GRIN2B: variants seen among roughly 807,000 people sequenced by gnomAD.
GRIN2B encodes the protein glutamate receptor ionotropic, NMDA 2B.
GRIN2B carries 5 observed loss-of-function variants against 114.5 expected under a neutral mutation model. The ratio of observed to expected loss-of-function variants is 0.04; its 90% CI spans 0.02 to 0.09. The LOEUF (loss-of-function observed/expected upper bound fraction) is 0.09. GRIN2B is among the 10% of genes least tolerant of loss of function. The pLI is 1.00. For synonymous variants in GRIN2B, 787 were observed against 745.1 expected, an observed-to-expected ratio of 1.06 and a Z score of -0.92; for missense variants, 1,108 against 1,943.5, an observed-to-expected ratio of 0.57 and a Z score of 8.08.
intron 3 of GRIN2B, among the ~76,000 whole-genome samples, chr12:13,776,321 G>A (rs1304927305): frequency 6.6e-6 from 1 of 152,124 alleles, no homozygotes; most frequent in African/African-American, 2.4e-5. Context: ...AATGGATGCT[G>A]GGCTTAATCC....
At chr12:13,841,591 A>G (rs1290237090) in intron 3 of GRIN2B, among the ~76,000 whole-genome samples, 1 of 152,140 alleles carries the variant, frequency 6.6e-6, no homozygotes, top group African/African-American at 2.4e-5. Flanking sequence ...GCTCTAGCCT[A>G]ACAGTTCAGG....
chr12:13,808,063 T>A (rs1424681610), intron 3 of GRIN2B, among the ~76,000 whole-genome samples: 1 of 152,166 alleles, frequency 6.6e-6, no homozygotes, highest in African/African-American at 2.4e-5. Flanking sequence ...TAAGGCCATA[T>A]ACTCTGGCAG....
At chr12:13,916,363 TAA>T (rs1866720510) in intron 2 of GRIN2B, among the ~76,000 whole-genome samples, 1 of 152,188 alleles carries the variant, frequency 6.6e-6, no homozygotes, top group African/African-American at 2.4e-5. Context: ...AGATTGGCCC[TAA>T]GAGAGAACAG....
chr12:13,730,580 C>G (rs1453026228), intron 4 of GRIN2B, among the ~76,000 whole-genome samples: 1 of 152,100 alleles, frequency 6.6e-6, no homozygotes, highest in African/African-American at 2.4e-5. Flanking sequence ...TTGAGAGACC[C>G]CTGGCATCTA....
At chr12:13,756,510 C>T (rs1327049653) in intron 3 of GRIN2B, among the ~76,000 whole-genome samples, 2 of 152,156 alleles carry the variant, frequency 1.3e-5, no homozygotes, top group East Asian at 1.9e-4. Context: ...TTTGTTTTTC[C>T]TGTCATGCTT....
At chr12:13,604,034 C>G (rs756866698) in intron 10 of GRIN2B, among the ~76,000 whole-genome samples, 3 of 152,152 alleles carry the variant, frequency 2.0e-5, no homozygotes, top group Admixed American at 1.3e-4. Context: ...TGGCCAAGCT[C>G]TTTTTCCTTC....
Position 13,753,652 on chromosome 12 carries a change from G to A in GRIN2B, c.675C>T (p.Ser225=), listed in dbSNP as rs1173160096. 2 of 1,614,040 alleles carry A rather than the reference G, an allele frequency of 1.2e-6. No homozygotes were observed. Among genetic ancestry groups the A allele is most frequent in the Admixed American group, 1.7e-5 (1 of 59,996 alleles). ...KIQNQLKKLQ[S]PIILLYCTKE... Reference sequence around the variant, plus strand: ...TGGTACAGTAAAGAAGAATGATGGGGCTTTGAAGTTTCTTGAGCTGATTCT... The same window carrying A: ...TGGTACAGTAAAGAAGAATGATGGGACTTTGAAGTTTCTTGAGCTGATTCT... The change falls in exon 4 of 14, where the codon AGC becomes AGT. Residue 225 remains serine, a synonymous_variant. Coordinates refer to ENST00000609686, the MANE Select transcript of GRIN2B (RefSeq NM_000834.5). The surrounding 1 kb of genome is among the most constrained non-coding windows in gnomAD (Gnocchi z 6.2).
At chr12:13,790,795 A>G (rs1242245323) in intron 3 of GRIN2B, among the ~76,000 whole-genome samples, 1 of 152,230 alleles carries the variant, frequency 6.6e-6, no homozygotes, top group East Asian at 1.9e-4. Flanking sequence ...AATTAGGACC[A>G]TTATGAGGAC....
chr12:13,649,232 C>T (rs1244804807), intron 5 of GRIN2B, among the ~76,000 whole-genome samples: 1 of 152,024 alleles, frequency 6.6e-6, no homozygotes, highest in African/African-American at 2.4e-5. Flanking sequence ...AAGGAAGGAA[C>T]AAAGGCAGGC....
At chr12:13,628,006 T>C (rs1949585469) in intron 5 of GRIN2B, among the ~76,000 whole-genome samples, 1 of 152,238 alleles carries the variant, frequency 6.6e-6, no homozygotes, top group East Asian at 1.9e-4. Flanking sequence ...AGAAACAGGA[T>C]TTGAACACAG....
intron 5 of GRIN2B, among the ~76,000 whole-genome samples, chr12:13,626,409 T>G (rs910206821): frequency 3.9e-5 from 6 of 152,206 alleles, no homozygotes; most frequent in Non-Finnish European, 5.9e-5. Flanking sequence ...CTGCAATCAC[T>G]GATACTGCTT....
rs1210866444 is a variant in GRIN2B at position 13,546,173 on chromosome 12, T to C, written c.*16610A>G. 1.3e-5 allele frequency: 2 copies of C among 152,214 alleles called. No homozygotes were observed. Among genetic ancestry groups the C allele is most frequent in the African/African-American group, 4.8e-5 (2 of 41,446 alleles). 9.4% of individuals were successfully genotyped at this position (152,214 alleles called of 1,614,324 possible). A position where few individuals can be genotyped will look rare whatever the true frequency, so the allele number is the denominator to read the frequency against. Reference sequence around the variant, plus strand: ...TTCCCCTGATATATTCAGTTCTCAGTGCCCCTTGGCTTCCCAATTTAAGTC... The same window carrying C: ...TTCCCCTGATATATTCAGTTCTCAGCGCCCCTTGGCTTCCCAATTTAAGTC... On this transcript the variant is annotated 3_prime_UTR_variant, in exon 14 of 14. Transcript: ENST00000609686.
At chr12:13,913,965 A>G (rs1484378310) in intron 2 of GRIN2B, among the ~76,000 whole-genome samples, 1 of 152,224 alleles carries the variant, frequency 6.6e-6, no homozygotes, top group East Asian at 1.9e-4. Context: ...GGCACGTACA[A>G]CAGCACCTGC....
At chr12:13,891,309 A>AT (rs1866258839) in intron 2 of GRIN2B, among the ~76,000 whole-genome samples, 1 of 152,076 alleles carries the variant, frequency 6.6e-6, no homozygotes, top group African/African-American at 2.4e-5. Flanking sequence ...TCTTCCTTGC[A>AT]TCCCCCTGCA....
At chr12:13,894,038 C>G (rs1293781782) in intron 2 of GRIN2B, among the ~76,000 whole-genome samples, 1 of 151,944 alleles carries the variant, frequency 6.6e-6, no homozygotes, top group Admixed American at 6.6e-5. Flanking sequence ...TTTTACCTAC[C>G]AAATCATAAA....
intron 4 of GRIN2B, among the ~76,000 whole-genome samples, chr12:13,680,443 TG>T (rs1950119243): frequency 1.3e-5 from 1 of 75,746 alleles, no homozygotes; most frequent in African/African-American, 4.0e-5. Flanking sequence ...AGGTTGTGTG[TG>T]TGTGTGTGTG....
chr12:13,785,073 A>G (rs926711491), intron 3 of GRIN2B, among the ~76,000 whole-genome samples: 22 of 152,308 alleles, frequency 1.4e-4, no homozygotes, highest in African/African-American at 5.0e-4. Context: ...AATGTTTATG[A>G]TCTGTTTTAG....
At chr12:13,902,431 TAC>T (rs1235640072) in intron 2 of GRIN2B, among the ~76,000 whole-genome samples, 1 of 152,204 alleles carries the variant, frequency 6.6e-6, no homozygotes, top group Non-Finnish European at 1.5e-5. Context: ...TCTTTGCAGA[TAC>T]ATTTTAAAAA....
Position 13,556,512 on chromosome 12 carries a change from A to G in GRIN2B, c.*6271T>C, listed in dbSNP as rs150350421. ...GAGAGCTTTTATTTTTTTCTCCTGC[A>G]TAGTACTAGAATCTGCTCCACCTCC... On this transcript the variant is annotated 3_prime_UTR_variant, in exon 14 of 14. Transcript: ENST00000609686. 1.1e-4 allele frequency: 16 copies of G among 152,306 alleles called. No individual in the cohort carries two copies. Among genetic ancestry groups the G allele is most frequent in the Admixed American group, 2.6e-4 (4 of 15,294 alleles). The allele number at this position is 152,306 out of a possible 1,614,324, so 9.4% of individuals were successfully genotyped here. A position where few individuals can be genotyped will look rare whatever the true frequency, so the allele number is the denominator to read the frequency against.
Sources: gnomAD v4.1 joint callset for allele counts (sites outside exome capture counted in the v4.1 genomes callset) on GRCh38, gnomAD v4.1.1 for gene constraint, Gnocchi (gnomAD v3.1) non-coding constraint, MANE v1.5 for transcripts, NCBI Gene and HGNC (gene_info 2026-07-23, HGNC 2026-07-21) for gene names.